Variants in PDPK1 observed in about 807,000 individuals in gnomAD.
PDPK1 encodes 3-phosphoinositide-dependent protein kinase 1.
Under a neutral mutation model 39.8 loss-of-function variants are expected in PDPK1, and 7 were observed. The observed-to-expected ratio is 0.18, with a 90% confidence interval of 0.10 to 0.33. The LOEUF (loss-of-function observed/expected upper bound fraction) is 0.33, where lower values mean the gene tolerates loss of function less well. PDPK1 is among the 10% of genes least tolerant of loss of function. The pLI is 1.00. For missense variants in PDPK1, 182 were observed against 384.7 expected (o/e 0.47, Z 4.41); for synonymous variants, 118 against 159.1 (o/e 0.74, Z 1.95).
chr16:2,577,877 T>TA (rs2066746781), intron 7 of PDPK1, among the ~76,000 whole-genome samples: 1 of 149,204 alleles, frequency 6.7e-6, no homozygotes, highest in Non-Finnish European at 1.5e-5. Context: ...TAGCTGGGAC[T>TA]ACAGGCGCAC....
rs2067118135 is a variant in PDPK1, at chr16:2,597,056, C to T, written c.1402-67C>T. ...AGCAGCTCCGAGGGGCCGCCCAGCCCTCTAGGCTCCAGGAGATGCCGTCAG... is the reference window on the plus strand; with the variant it reads ...AGCAGCTCCGAGGGGCCGCCCAGCCTTCTAGGCTCCAGGAGATGCCGTCAG... On this transcript the variant is annotated intron_variant, in intron 12 of 13. Coordinates refer to ENST00000342085, the MANE Select transcript of PDPK1 (RefSeq NM_002613.5). The surrounding 1 kb of genome is among the most constrained non-coding windows in gnomAD (Gnocchi z 6.3). 2 of 1,372,206 alleles carry T rather than the reference C, an allele frequency of 1.5e-6. No individual in the cohort carries two copies. Among genetic ancestry groups the T allele is most frequent in the Admixed American group, 2.2e-5 (1 of 45,198 alleles). The allele number at this position is 1,372,206 out of a possible 1,614,324, so 85.0% of individuals were successfully genotyped here.
chr16:2,589,060 A>G (rs1230218956), intron 11 of PDPK1, among the ~76,000 whole-genome samples: 1 of 152,016 alleles, frequency 6.6e-6, no homozygotes, highest in East Asian at 1.9e-4. Flanking sequence ...GGTTAAAGTG[A>G]TTCTCCTGTC....
intron 1 of PDPK1, 101 bp downstream of exon 1, chr16:2,538,237 C>A: frequency 1.9e-6 from 1 of 524,806 alleles, no homozygotes. Context: ...GTCCCGAGGG[C>A]CGGGTGCCTC....
intron 12 of PDPK1, 40 bp downstream of exon 12, chr16:2,595,890 G>C (rs376061888): frequency 8.0e-5 from 122 of 1,516,014 alleles, no homozygotes; most frequent in Non-Finnish European, 1.1e-4. Context: ...ACGGACACCT[G>C]CATCTTCCCC....
At chr16:2,553,421 G>A (rs1419932547) in intron 1 of PDPK1, among the ~76,000 whole-genome samples, 1 of 128,694 alleles carries the variant, frequency 7.8e-6, no homozygotes. Flanking sequence ...TATGACCACG[G>A]CTCACTGCAG....
intron 1 of PDPK1, among the ~76,000 whole-genome samples, chr16:2,547,013 G>C (rs957302052): frequency 2.0e-5 from 3 of 149,230 alleles, no homozygotes; most frequent in Non-Finnish European, 4.4e-5. Flanking sequence ...GCCAGTGCTG[G>C]CTGGCACACA....
intron 1 of PDPK1, among the ~76,000 whole-genome samples, chr16:2,546,414 A>G (rs577933341): frequency 3.3e-5 from 5 of 151,468 alleles, no homozygotes; most frequent in East Asian, 2.0e-4. Context: ...GCTCACTGCA[A>G]TCTCCACCTC....
At position 2,599,714 on chromosome 16, in the gene PDPK1, C is replaced by A. The variant is rs1440777210; in HGVS notation, c.*1947C>A. 68 of 233,560 alleles carry A rather than the reference C, an allele frequency of 2.9e-4. No homozygotes were observed. The highest frequency in any genetic ancestry group is 1.2e-3 in the African/African-American group (56 of 45,480). 14.5% of individuals were successfully genotyped at this position (233,560 alleles called of 1,614,324 possible). On this transcript the variant is annotated 3_prime_UTR_variant, in exon 14 of 14. Transcript: ENST00000342085. ...GAATTTCTGTTCAGGCTTCCTCCTC[C>A]TCATCAGCTATTTTACCCATCTCAG...
intron 1 of PDPK1, among the ~76,000 whole-genome samples, chr16:2,540,115 T>G (rs1434387177): frequency 6.6e-6 from 1 of 152,162 alleles, no homozygotes; most frequent in African/African-American, 2.4e-5. Flanking sequence ...GATCCTGGAT[T>G]TTCACCTGAG....
At chr16:2,587,017 A>T (rs1473273432) in intron 11 of PDPK1, 124 bp downstream of exon 11, 1 of 829,674 alleles carries the variant, frequency 1.2e-6, no homozygotes, top group Non-Finnish European at 2.0e-6. Flanking sequence ...TTGGCCAAGG[A>T]GCACATCGTA....
intron 12 of PDPK1, among the ~76,000 whole-genome samples, chr16:2,596,487 C>G (rs2067105330): frequency 6.6e-6 from 1 of 152,238 alleles, no homozygotes; most frequent in African/African-American, 2.4e-5. Context: ...AGCCACGGCG[C>G]CCGGCCGGGT....
At chr16:2,539,548 G>C (rs2066206293) in intron 1 of PDPK1, 1 of 152,246 alleles carries the variant, frequency 6.6e-6, no homozygotes, top group Non-Finnish European at 1.5e-5. Flanking sequence ...ACTTTCTGCA[G>C]CTCACTCGTG....
At chr16:2,578,077 T>C (rs2141982562) in intron 7 of PDPK1, among the ~76,000 whole-genome samples, 1 of 149,154 alleles carries the variant, frequency 6.7e-6, no homozygotes, top group Non-Finnish European at 1.5e-5. Flanking sequence ...GAGGAAAGCG[T>C]GGCTGCCGTG....
intron 1 of PDPK1, among the ~76,000 whole-genome samples, chr16:2,541,421 C>T (rs944789561): frequency 1.3e-5 from 2 of 152,198 alleles, no homozygotes; most frequent in Non-Finnish European, 2.9e-5. Context: ...CAAGCGTGGC[C>T]AGTCCCTTCT....
intron 10 of PDPK1, among the ~76,000 whole-genome samples, chr16:2,585,013 C>T (rs1175977342): frequency 2.6e-5 from 4 of 152,182 alleles, no homozygotes; most frequent in Non-Finnish European, 2.9e-5. Context: ...TCGCGACTGG[C>T]TGGTGGCCGT....
chr16:2,552,992 C>T (rs1157427048), intron 1 of PDPK1, among the ~76,000 whole-genome samples: 4 of 143,634 alleles, frequency 2.8e-5, no homozygotes, highest in Non-Finnish European at 4.5e-5. Flanking sequence ...AGGCTGCTGG[C>T]GAGGCAGGCC....
Position 2,602,211 on chromosome 16 carries a change from G to A in PDPK1, c.*4444G>A, listed in dbSNP as rs754582678. On this transcript the variant is annotated 3_prime_UTR_variant, in exon 14 of 14. Transcript: ENST00000342085. ...GCCTATGTTGACTCACTGGGTGGGG[G>A]TCCCTTCTTACGCAGCACACGTGGC... 16 of 234,078 alleles carry A rather than the reference G, an allele frequency of 6.8e-5. No homozygotes were observed. Among genetic ancestry groups the A allele is most frequent in the Non-Finnish European group, 1.2e-4 (14 of 118,072 alleles). The allele number at this position is 234,078 out of a possible 1,614,324, so 14.5% of individuals were successfully genotyped here.
At position 2,551,496 on chromosome 16, in the gene PDPK1, G is replaced by C. The variant is rs1341423065; in HGVS notation, c.25-6207G>C. On this transcript the variant is annotated intron_variant, in intron 1 of 13. Coordinates refer to ENST00000342085, the MANE Select transcript of PDPK1 (RefSeq NM_002613.5). The stretch of plus-strand genomic sequence containing the variant: ...GTTCCTGCTTGCCGCGTGTGAGAGT[G>C]TGCGGGCGCTGGCTCTACCTGTCGC... 1.0e-4 allele frequency among the ~76,000 whole-genome samples: 15 copies of C among 150,592 alleles called. 1 individual carries two copies. The Admixed American group carries it at 1.0e-3, about 10-fold the overall frequency.
chr16:2,586,501 C>T (rs1320117971), intron 10 of PDPK1, among the ~76,000 whole-genome samples, 175 bp from the exon 11 acceptor site: 1 of 152,264 alleles, frequency 6.6e-6, no homozygotes, highest in African/African-American at 2.4e-5. Flanking sequence ...AGTGAGGCCT[C>T]GGTTCTGTGG....
Sources: allele counts gnomAD v4.1 joint callset (sites outside exome capture counted in the v4.1 genomes callset), GRCh38; gene constraint gnomAD v4.1.1; non-coding constraint Gnocchi (gnomAD v3.1); transcripts MANE v1.5; gene names NCBI Gene and HGNC (gene_info 2026-07-23, HGNC 2026-07-21).